The following INO80D variants were observed in gnomAD, a reference collection of about 807,000 sequenced individuals.
The protein encoded by INO80D is INO80 complex subunit D.
In INO80D, 21 loss-of-function variants were observed where a neutral mutation model predicts 87.6. The ratio of observed to expected loss-of-function variants is 0.24; its 90% CI spans 0.17 to 0.35. The LOEUF (loss-of-function observed/expected upper bound fraction) is 0.35. INO80D is among the 10% of genes least tolerant of loss of function. The pLI, the probability that INO80D is intolerant of heterozygous loss-of-function variation, is 1.00. For synonymous variants in INO80D, 440 were observed against 491.0 expected, an observed-to-expected ratio of 0.90 and a Z score of 1.37; for missense variants, 982 against 1,280.7, an observed-to-expected ratio of 0.77 and a Z score of 3.56.
At chr2:206,032,409 G>A (rs1559443816) in intron 5 of INO80D, among the ~76,000 whole-genome samples, 3 of 152,262 alleles carry the variant, frequency 2.0e-5, no homozygotes, top group Admixed American at 6.5e-5. Flanking sequence ...TATGACTGCC[G>A]GATTTCCCCC....
At chr2:206,049,662 C>CAG (rs1015791318) in intron 4 of INO80D, among the ~76,000 whole-genome samples, 76 of 152,270 alleles carry the variant, frequency 5.0e-4, no homozygotes, top group African/African-American at 1.8e-3. Context: ...CTAGCCCAGA[C>CAG]AGGACTATAA....
At chr2:206,016,738 TTG>T (rs1324319560) in intron 8 of INO80D, among the ~76,000 whole-genome samples, 1 of 152,098 alleles carries the variant, frequency 6.6e-6, no homozygotes, top group Non-Finnish European at 1.5e-5. Context: ...GTCTTTCCTG[TTG>T]TCTTTCCTGT....
At chr2:206,074,709 G>A (rs1690064319) in intron 1 of INO80D, among the ~76,000 whole-genome samples, 1 of 152,244 alleles carries the variant, frequency 6.6e-6, no homozygotes, top group South Asian at 2.1e-4. Flanking sequence ...GGAGGCTGAG[G>A]TGGGAGGATC....
chr2:206,028,340 A>G lies in INO80D; in HGVS notation c.1074-5T>C, dbSNP rs1240063594. On this transcript the variant is annotated splice_region_variant and splice_polypyrimidine_tract_variant and intron_variant, in intron 5 of 10. Transcript: ENST00000403263. The stretch of plus-strand genomic sequence containing the variant: ...TCCGCATCATCATCATCTGACCTGG[A>G]AAGTGCAGGGAGAGAAAGGAAAAAC... The G allele has an allele frequency of 2.5e-6, 4 of 1,583,118 alleles. No individual in the cohort carries two copies. The highest frequency in any genetic ancestry group is 3.5e-6 in the Non-Finnish European group (4 of 1,157,334).
In INO80D at chr2:206,007,536, G is replaced by A. The variant is rs552453720; in HGVS notation, c.1761-95C>T. 64 of 1,397,778 alleles carry A rather than the reference G, an allele frequency of 4.6e-5. No individual in the cohort carries two copies. In the African/African-American group the frequency reaches 7.5e-4, roughly 16 times the overall value. The allele number at this position is 1,397,778 out of a possible 1,614,324, so 86.6% of individuals were successfully genotyped here. Reference sequence around the variant, plus strand: ...TCATTCAACATGAAAAGAAGCTAACGTCAGGCAGGGCACAGTGGCTCACAC... The same window carrying A: ...TCATTCAACATGAAAAGAAGCTAACATCAGGCAGGGCACAGTGGCTCACAC... On this transcript the variant is annotated intron_variant, in intron 9 of 10. Transcript: ENST00000403263.
chr2:206,069,904 C>A (rs796682767), intron 1 of INO80D, among the ~76,000 whole-genome samples: 15 of 152,252 alleles, frequency 9.9e-5, no homozygotes, highest in African/African-American at 3.6e-4. Context: ...CAATAGTTTA[C>A]AACACAGTCT....
intron 9 of INO80D, chr2:206,007,832 A>C (rs1688065883): frequency 1.4e-5 from 2 of 147,524 alleles, no homozygotes; most frequent in African/African-American, 5.0e-5. Context: ...AAAAAAAAAA[A>C]CAACCAAAAT....
intron 1 of INO80D, among the ~76,000 whole-genome samples, chr2:206,084,240 T>TAC (rs111836331): frequency 0.035 from 4,759 of 135,044 alleles, 94 homozygotes; most frequent in South Asian, 0.1. Flanking sequence ...ATGTTATACA[T>TAC]ACACACACAC....
chr2:206,006,971 C>T (rs1156948292), intron 10 of INO80D, among the ~76,000 whole-genome samples: 5 of 152,272 alleles, frequency 3.3e-5, no homozygotes, highest in South Asian at 4.1e-4. Context: ...CGCTTGAACC[C>T]GGAGGCAGAA....
intron 5 of INO80D, among the ~76,000 whole-genome samples, chr2:206,029,429 C>CT (rs1688704471): frequency 6.6e-6 from 1 of 152,166 alleles, no homozygotes; most frequent in Non-Finnish European, 1.5e-5. Context: ...TGTGATCTTA[C>CT]TTTTTACCGT....
chr2:206,028,130 C>T lies in INO80D; in HGVS notation c.1279G>A (p.Ala427Thr). The change falls in exon 6 of 11, where the codon GCT becomes ACT. Residue 427 changes from alanine to threonine, a missense_variant. Coordinates refer to ENST00000403263, the MANE Select transcript of INO80D (RefSeq NM_017759.5). ...TCTAACCTGGTTCGACTGCATGCAG[C>T]TCTCCGCAGTTCTTGTATTAACTGA... ...TGQLIQELRR[A>T]ACSRTSISRT... 1 of 1,548,426 alleles carries T rather than the reference C, an allele frequency of 6.5e-7. No individual in the cohort carries two copies. Among genetic ancestry groups the T allele is most frequent in the South Asian group, 1.2e-5 (1 of 84,244 alleles).
At chr2:206,070,190 CG>C (rs558292919) in intron 1 of INO80D, among the ~76,000 whole-genome samples, 157 of 151,838 alleles carry the variant, frequency 1.0e-3, no homozygotes, top group African/African-American at 3.6e-3. Context: ...GTGAGGTGGG[CG>C]GATCACTTGA....
At chr2:206,063,709 AAAGT>A (rs1490301329) in intron 1 of INO80D, 25 of 152,258 alleles carry the variant, frequency 1.6e-4, no homozygotes, top group Admixed American at 1.6e-3. Context: ...AAACAAAAAA[AAAGT>A]AAGTTACCTT....
At position 206,056,772 on chromosome 2, in the gene INO80D, G is replaced by A. The variant is rs1689537511; in HGVS notation, c.390C>T (p.Ser130=). 1 of 1,612,800 alleles carries A rather than the reference G, an allele frequency of 6.2e-7. No individual in the cohort carries two copies. Among genetic ancestry groups the A allele is most frequent in the African/African-American group, 1.3e-5 (1 of 74,860 alleles). The change falls in exon 4 of 11, where the codon TCC becomes TCT. Residue 130 remains serine, a synonymous_variant. Transcript: ENST00000403263. Reference sequence around the variant, plus strand: ...GGACCCTTGCCCCAGGTGGAGAGAGGGACATTCCATCCAGTCCGTTGGGCA... The same window carrying A: ...GGACCCTTGCCCCAGGTGGAGAGAGAGACATTCCATCCAGTCCGTTGGGCA... ...LKMPNGLDGM[S]LSPPGARVPL...
At position 206,028,257 on chromosome 2, in the gene INO80D, G is replaced by C. The variant is rs35342051; in HGVS notation, c.1152C>G (p.His384Gln). 10 of 1,613,236 alleles carry C rather than the reference G, an allele frequency of 6.2e-6. No homozygotes were observed. The highest frequency in any genetic ancestry group is 8.5e-6 in the Non-Finnish European group (10 of 1,179,340). ...ATTCTGCCCGCTCCAGGCGGCAGAG[G>C]TGCTTATATTTCTGCTGAAAGTAAG... ...LCTYFQQKYK[H>Q]LCRLERAESR... The change falls in exon 6 of 11, where the codon CAC becomes CAG. Residue 384 changes from histidine (H) to glutamine (Q), a missense_variant. His to Gln is a conservative substitution (Grantham distance 24, BLOSUM62 0). Transcript: ENST00000403263.
intron 5 of INO80D, among the ~76,000 whole-genome samples, chr2:206,038,506 A>G (rs1479720377): frequency 6.6e-6 from 1 of 152,096 alleles, no homozygotes; most frequent in East Asian, 1.9e-4. Context: ...TCTTCCCCTA[A>G]CTGCTCATCA....
At chr2:206,068,245 T>A (rs776495532) in intron 1 of INO80D, among the ~76,000 whole-genome samples, 1 of 152,084 alleles carries the variant, frequency 6.6e-6, no homozygotes, top group Non-Finnish European at 1.5e-5. Flanking sequence ...ACTACAAGTA[T>A]GTGCCACCAT....
intron 8 of INO80D, among the ~76,000 whole-genome samples, chr2:206,010,987 G>A (rs1575797684): frequency 1.3e-5 from 2 of 151,386 alleles, no homozygotes; most frequent in African/African-American, 2.4e-5. Context: ...CTGAGGCAAC[G>A]GAATTGCTTG....
chr2:206,012,906 C>T (rs1429869905), intron 8 of INO80D, among the ~76,000 whole-genome samples: 1 of 147,194 alleles, frequency 6.8e-6, no homozygotes, highest in Non-Finnish European at 1.5e-5. Flanking sequence ...TAGATTTGCA[C>T]ATACTTTTCA....
Sources: gnomAD v4.1 joint callset for allele counts (sites outside exome capture counted in the v4.1 genomes callset) on GRCh38, gnomAD v4.1.1 for gene constraint, MANE v1.5 for transcripts, NCBI Gene and HGNC (gene_info 2026-07-23, HGNC 2026-07-21) for gene names.